The following PTPRN2 variants were observed in gnomAD, a reference collection of about 807,000 sequenced individuals.
PTPRN2 encodes the protein protein tyrosine phosphatase receptor type N2.
A neutral mutation model predicts 118.8 loss-of-function variants in PTPRN2; 74 were observed. The observed-to-expected ratio is 0.62, with a 90% CI of 0.52 to 0.76. PTPRN2 has a LOEUF of 0.76. Ranked by LOEUF, PTPRN2 falls within the 30% of genes least tolerant of loss-of-function variation. The pLI, the probability that PTPRN2 is intolerant of heterozygous loss-of-function variation, is 0.00. For synonymous variants in PTPRN2, 641 were observed against 608.0 expected, an observed-to-expected ratio of 1.05 and a Z score of -0.80; for missense variants, 1,481 against 1,394.4, an observed-to-expected ratio of 1.06 and a Z score of -0.99.
At chr7:158,373,051 C>T (rs924426819) in intron 2 of PTPRN2, among the ~76,000 whole-genome samples, 1 of 152,182 alleles carries the variant, frequency 6.6e-6, no homozygotes, top group African/African-American at 2.4e-5. Flanking sequence ...GCAGCACGGC[C>T]GAAGGTTCCA....
rs1367756439 is a variant in PTPRN2, at chr7:157,893,995, C to G, written c.1788+4678G>C. 6.6e-6 allele frequency among the ~76,000 whole-genome samples: 1 copy of G among 152,204 alleles called. No homozygotes were observed. Among genetic ancestry groups the G allele is most frequent in the African/African-American group, 2.4e-5 (1 of 41,438 alleles). On this transcript the variant is annotated intron_variant, in intron 12 of 22. Transcript: ENST00000389418. This position sits in a 1 kb window ranked among gnomAD's most constrained non-coding sequence, Gnocchi z 4.0. ...CAATGGGCCTTATTCCTCGATACAC[C>G]TCCAGCTTCACCTGGAATGGGAGCT...
chr7:157,991,325 G>A (rs573212413), intron 11 of PTPRN2, among the ~76,000 whole-genome samples: 1 of 152,328 alleles, frequency 6.6e-6, no homozygotes, highest in South Asian at 2.1e-4. Flanking sequence ...GGCAATGGCC[G>A]GCATTTCTGA....
chr7:158,419,189 T>C (rs1815042889), intron 2 of PTPRN2, among the ~76,000 whole-genome samples: 1 of 152,222 alleles, frequency 6.6e-6, no homozygotes, highest in Non-Finnish European at 1.5e-5. Flanking sequence ...TTCTGGAGCC[T>C]GAAGACATGT....
intron 11 of PTPRN2, among the ~76,000 whole-genome samples, chr7:158,047,094 C>T (rs1563358960): frequency 6.6e-6 from 1 of 152,236 alleles, no homozygotes; most frequent in Admixed American, 6.5e-5. Flanking sequence ...ACATCCCATT[C>T]CTCTCTCATG....
At chr7:158,007,288 C>A (rs79554022) in intron 11 of PTPRN2, among the ~76,000 whole-genome samples, 6 of 152,152 alleles carry the variant, frequency 3.9e-5, no homozygotes, top group Admixed American at 6.5e-5. Flanking sequence ...TGCGGCAGTG[C>A]GGGGTGTGGC....
chr7:158,033,466 C>T (rs552026337), intron 11 of PTPRN2, among the ~76,000 whole-genome samples: 2 of 152,154 alleles, frequency 1.3e-5, no homozygotes, highest in African/African-American at 2.4e-5. Flanking sequence ...TCGGACCACA[C>T]CTGATTGTTT....
intron 11 of PTPRN2, among the ~76,000 whole-genome samples, chr7:158,076,076 G>C (rs1449198069): frequency 1.3e-5 from 2 of 152,262 alleles, no homozygotes; most frequent in Admixed American, 6.5e-5. Flanking sequence ...ACTTTCATCA[G>C]TCTGACAGGT....
chr7:158,469,735 C>CAAAAAAA (rs56040599), intron 2 of PTPRN2, among the ~76,000 whole-genome samples: 19 of 67,516 alleles, frequency 2.8e-4, no homozygotes, highest in African/African-American at 9.0e-4. Flanking sequence ...AAAACCTGGC[C>CAAAAAAA]AAAAAAAAAA....
At chr7:158,182,533 C>G (rs937619514) in intron 5 of PTPRN2, among the ~76,000 whole-genome samples, 14 of 152,108 alleles carry the variant, frequency 9.2e-5, no homozygotes, top group African/African-American at 3.4e-4. Context: ...TCCATGTGTT[C>G]TCACTGTTCA....
chr7:158,392,869 C>T (rs4909206), intron 2 of PTPRN2, among the ~76,000 whole-genome samples: 1 of 152,022 alleles, frequency 6.6e-6, no homozygotes, highest in Non-Finnish European at 1.5e-5. Flanking sequence ...GGCAGCCCCT[C>T]TCGGTAGAAT....
At chr7:157,673,541 GTAGC>G (rs71777937) in intron 13 of PTPRN2, among the ~76,000 whole-genome samples, 21,322 of 151,946 alleles carry the variant, frequency 0.14, 1,635 homozygotes, top group African/African-American at 0.2. Flanking sequence ...TGGGAGAGGA[GTAGC>G]TAGCTGTCTG....
At chr7:157,898,522 G>T in intron 12 of PTPRN2, 151 bp downstream of exon 12, 1 of 780,618 alleles carries the variant, frequency 1.3e-6, no homozygotes, top group Non-Finnish European at 2.2e-6. Flanking sequence ...CACCCGCAGA[G>T]GATGCTCCTG....
In PTPRN2 at chr7:158,376,611, A is replaced by C. The variant is rs556709818; in HGVS notation, c.164-59679T>G. 1.9e-3 allele frequency among the ~76,000 whole-genome samples: 120 copies of C among 63,836 alleles called. 1 individual carries two copies. Among genetic ancestry groups the C allele is most frequent in the African/African-American group, 7.2e-3 (99 of 13,708 alleles). The allele number at this position is 63,836 out of a possible 152,430, so 41.9% of individuals were successfully genotyped here. A position where few individuals can be genotyped will look rare whatever the true frequency, so the allele number is the denominator to read the frequency against. ...TCCCACAGCCCTGTCACACGTCCTGAGAGGGGGGTCAGGGGACTCCCCCAC... is the reference window on the plus strand; with the variant it reads ...TCCCACAGCCCTGTCACACGTCCTGCGAGGGGGGTCAGGGGACTCCCCCAC... On this transcript the variant is annotated intron_variant, in intron 2 of 22. Transcript: ENST00000389418.
chr7:157,774,525 C>T (rs1244180522), intron 12 of PTPRN2, among the ~76,000 whole-genome samples: 1 of 152,250 alleles, frequency 6.6e-6, no homozygotes, highest in Non-Finnish European at 1.5e-5. Context: ...ATGGTAAGCC[C>T]CCCATCTCTG....
intron 2 of PTPRN2, among the ~76,000 whole-genome samples, chr7:158,340,738 G>A: frequency 1.2e-5 from 1 of 80,548 alleles, no homozygotes; most frequent in Non-Finnish European, 2.5e-5. Context: ...CATAAGAGGT[G>A]ACACATGCAG....
chr7:158,484,635 T>A (rs554424271), intron 2 of PTPRN2, among the ~76,000 whole-genome samples: 2 of 152,304 alleles, frequency 1.3e-5, no homozygotes, highest in African/African-American at 4.8e-5. Flanking sequence ...AGTGCTGGGA[T>A]TACAGGGTGA....
chr7:158,425,623 T>A (rs1390899471), intron 2 of PTPRN2, among the ~76,000 whole-genome samples: 2 of 96,012 alleles, frequency 2.1e-5, no homozygotes, highest in Admixed American at 1.1e-4. Flanking sequence ...AGAGTCCGAG[T>A]CCAGCCTAGC....
chr7:157,937,109 G>A (rs887820716), intron 11 of PTPRN2, among the ~76,000 whole-genome samples: 7 of 152,166 alleles, frequency 4.6e-5, no homozygotes, highest in Non-Finnish European at 1.0e-4. Flanking sequence ...GAAGCCCTCC[G>A]GACCCCTGAA....
chr7:157,797,448 G>A (rs1472522797), intron 12 of PTPRN2, among the ~76,000 whole-genome samples: 1 of 152,108 alleles, frequency 6.6e-6, no homozygotes, highest in African/African-American at 2.4e-5. Context: ...TACACAAGCT[G>A]GCCACAGGGA....
Sources: allele counts gnomAD v4.1 joint callset (sites outside exome capture counted in the v4.1 genomes callset), GRCh38; gene constraint gnomAD v4.1.1; non-coding constraint Gnocchi (gnomAD v3.1); transcripts MANE v1.5; gene names NCBI Gene and HGNC (gene_info 2026-07-23, HGNC 2026-07-21).